The following SYT17 variants were observed in gnomAD, a reference collection of about 807,000 sequenced individuals.
The protein encoded by SYT17 is synaptotagmin 17.
Under a neutral mutation model 46.7 loss-of-function variants are expected in SYT17, and 22 were observed. The observed-to-expected ratio is 0.47, with a 90% CI of 0.34 to 0.67. The LOEUF is 0.67. Ranked by LOEUF, SYT17 falls within the 30% of genes least tolerant of loss-of-function variation. The probability of loss-of-function intolerance (pLI) is 0.01; values close to 1 mark genes in which losing one functional copy is unlikely to be tolerated. For synonymous variants in SYT17, 251 were observed against 248.4 expected (o/e 1.01, Z -0.10); for missense variants, 519 against 612.8 (o/e 0.85, Z 1.62).
Position 19,232,925 on chromosome 16 carries a change from G to A in SYT17, c.1228+8087G>A, listed in dbSNP as rs984826792. 5.9e-5 allele frequency among the ~76,000 whole-genome samples: 9 copies of A among 152,152 alleles called. No homozygotes were observed. In the South Asian group the frequency reaches 8.3e-4, roughly 14 times the overall value. On this transcript the variant is annotated intron_variant, in intron 7 of 7. Transcript: ENST00000355377. Reference sequence around the variant, plus strand: ...TTTGACTCCCTAACCCTGTCTGTACGTTAGTATTACTCAGGGACTTTAAAA... The same window carrying A: ...TTTGACTCCCTAACCCTGTCTGTACATTAGTATTACTCAGGGACTTTAAAA...
chr16:19,237,889 G>A (rs1966870391), intron 7 of SYT17, among the ~76,000 whole-genome samples: 1 of 152,250 alleles, frequency 6.6e-6, no homozygotes, highest in Admixed American at 6.5e-5. Context: ...GAGCAGGGTT[G>A]GGGGACTATG....
chr16:19,252,420 T>TATATACAC (rs1268478158), intron 7 of SYT17, among the ~76,000 whole-genome samples: 2 of 26,788 alleles, frequency 7.5e-5, no homozygotes, highest in African/African-American at 3.2e-4. Flanking sequence ...TATATACATA[T>TATATACAC]ATATATACAT....
intron 7 of SYT17, among the ~76,000 whole-genome samples, chr16:19,240,941 C>CTTTT (rs970503158): frequency 5.7e-4 from 56 of 98,760 alleles, no homozygotes; most frequent in Non-Finnish European, 7.2e-4. Flanking sequence ...AGGCTCAGTT[C>CTTTT]TTTTTTTTTT....
chr16:19,228,013 C>G (rs780810026), intron 7 of SYT17, among the ~76,000 whole-genome samples: 2 of 150,192 alleles, frequency 1.3e-5, no homozygotes, highest in Non-Finnish European at 2.9e-5. Flanking sequence ...GATACTGTTG[C>G]ATGATGTAGT....
intron 7 of SYT17, among the ~76,000 whole-genome samples, chr16:19,228,786 T>C (rs1166095490): frequency 6.6e-6 from 1 of 152,174 alleles, no homozygotes; most frequent in Non-Finnish European, 1.5e-5. Flanking sequence ...CCTGCTTTAT[T>C]TGTCCACTGA....
chr16:19,212,210 A>G (rs1452183546), intron 5 of SYT17, among the ~76,000 whole-genome samples: 1 of 152,144 alleles, frequency 6.6e-6, no homozygotes, highest in Non-Finnish European at 1.5e-5. Flanking sequence ...CGCACAGGAC[A>G]GCTCCCACAA....
chr16:19,195,982 C>T lies in SYT17; in HGVS notation c.951+11835C>T, dbSNP rs566193248. Among the ~76,000 whole-genome samples, 3 of 151,968 alleles carry T rather than the reference C, an allele frequency of 2.0e-5. No individual in the cohort carries two copies. In the South Asian group the frequency reaches 6.2e-4, roughly 32 times the overall value. On this transcript the variant is annotated intron_variant, in intron 5 of 7. Coordinates refer to ENST00000355377, the MANE Select transcript of SYT17 (RefSeq NM_016524.4). Reference sequence around the variant, plus strand: ...CCTGGGTGACAGAGCCGGACCCTGTCTCAAAAGAAAAAACCCACCAAAACC... The same window carrying T: ...CCTGGGTGACAGAGCCGGACCCTGTTTCAAAAGAAAAAACCCACCAAAACC...
chr16:19,220,303 CTTTT>C (rs1555459738), intron 5 of SYT17, among the ~76,000 whole-genome samples: 2 of 80,498 alleles, frequency 2.5e-5, no homozygotes, highest in African/African-American at 5.0e-5. Flanking sequence ...TTCTTTCTTT[CTTTT>C]TTTTTTTTTT....
intron 7 of SYT17, among the ~76,000 whole-genome samples, chr16:19,232,305 A>G (rs1320133885): frequency 6.6e-6 from 1 of 152,200 alleles, no homozygotes; most frequent in Non-Finnish European, 1.5e-5. Flanking sequence ...CTCTAAGACT[A>G]GAGAATATGG....
intron 5 of SYT17, among the ~76,000 whole-genome samples, chr16:19,188,925 C>T (rs1336333786): frequency 2.6e-5 from 4 of 152,076 alleles, no homozygotes; most frequent in East Asian, 1.9e-4. Context: ...GCTGCTCTGT[C>T]GCCCAGGCTG....
chr16:19,245,778 A>G (rs963806081), intron 7 of SYT17, among the ~76,000 whole-genome samples: 6 of 152,226 alleles, frequency 3.9e-5, no homozygotes, highest in Middle Eastern at 3.2e-3. Flanking sequence ...AGCTCAGCCC[A>G]GCTTGAGAGG....
chr16:19,260,887 A>G (rs1007703170), intron 7 of SYT17, among the ~76,000 whole-genome samples: 4 of 152,236 alleles, frequency 2.6e-5, no homozygotes, highest in African/African-American at 9.6e-5. Context: ...GGTTATTCAA[A>G]TACTGCAAAT....
Position 19,180,456 on chromosome 16 carries a change from C to G in SYT17, c.248C>G (p.Thr83Ser). 1 of 1,614,180 alleles carries G rather than the reference C, an allele frequency of 6.2e-7. No individual in the cohort carries two copies. Among genetic ancestry groups the G allele is most frequent in the Non-Finnish European group, 8.5e-7 (1 of 1,180,038 alleles). ...CACACGGCCAGCGAAGTCCCGCTGACCCCACGGACCAATTCCCCGGATGGA... is the reference window on the plus strand; with the variant it reads ...CACACGGCCAGCGAAGTCCCGCTGAGCCCACGGACCAATTCCCCGGATGGA... Reference protein sequence around the residue: ...SVHTASEVPLTPRTNSPDGRR... With the variant: ...SVHTASEVPLSPRTNSPDGRR... Residue 83 changes from threonine (T) to serine (S), a missense_variant, in exon 4 of 8, where the codon ACC (threonine) becomes AGC (serine). Thr to Ser is a moderately conservative substitution (Grantham distance 58). Transcript: ENST00000355377.
intron 5 of SYT17, among the ~76,000 whole-genome samples, chr16:19,198,505 T>C (rs2142721514): frequency 6.6e-6 from 1 of 152,350 alleles, no homozygotes; most frequent in Admixed American, 6.5e-5. Context: ...CATGGATCAA[T>C]TACTGTTCTA....
intron 5 of SYT17, among the ~76,000 whole-genome samples, chr16:19,202,126 T>A (rs891056): frequency 0.064 from 9,746 of 152,144 alleles, 396 homozygotes; most frequent in Middle Eastern, 0.15. Flanking sequence ...GGACACTAAA[T>A]GCCTGGAGTT....
chr16:19,234,982 A>C (rs963756857), intron 7 of SYT17, among the ~76,000 whole-genome samples: 6 of 152,182 alleles, frequency 3.9e-5, no homozygotes, highest in Admixed American at 1.3e-4. Context: ...ATCTGTGCCA[A>C]CTCAGATGCA....
intron 5 of SYT17, among the ~76,000 whole-genome samples, chr16:19,202,279 C>G (rs575455551): frequency 3.2e-4 from 48 of 152,214 alleles, no homozygotes; most frequent in African/African-American, 1.2e-3. Flanking sequence ...TCCTCAAGTT[C>G]AATAATTTGC....
chr16:19,208,884 C>CTTTTTTTTTTTTTTTTTTTTTTT lies in SYT17; in HGVS notation c.952-14157_952-14135dup, dbSNP rs1191498524. Among the ~76,000 whole-genome samples, 6 of 63,312 alleles carry CTTTTTTTTTTTTTTTTTTTTTTT rather than the reference C, an allele frequency of 9.5e-5. 3 individuals carry two copies. Among genetic ancestry groups the CTTTTTTTTTTTTTTTTTTTTTTT allele is most frequent in the African/African-American group, 2.8e-4 (4 of 14,200 alleles). The allele number at this position is 63,312 out of a possible 152,430, so 41.5% of individuals were successfully genotyped here. Reference sequence around the variant, plus strand: ...ATTTAATCACTTCTACAAGGACCTTCTTTTTTTTTTTTTTTTTTTTTTTTT... The same window carrying CTTTTTTTTTTTTTTTTTTTTTTT: ...ATTTAATCACTTCTACAAGGACCTTCTTTTTTTTTTTTTTTTTTTTTTTTTTTTTTTTTTTTTTTTTTTTTTTT... On this transcript the variant is annotated intron_variant, in intron 5 of 7. Coordinates refer to ENST00000355377, the MANE Select transcript of SYT17 (RefSeq NM_016524.4).
chr16:19,239,004 G>A (rs1304708076), intron 7 of SYT17, among the ~76,000 whole-genome samples: 2 of 151,216 alleles, frequency 1.3e-5, no homozygotes, highest in Non-Finnish European at 3.0e-5. Context: ...CTGGCCAGGT[G>A]CCATGGCTTA....
Sources: gnomAD v4.1 joint callset for allele counts (sites outside exome capture counted in the v4.1 genomes callset) on GRCh38, gnomAD v4.1.1 for gene constraint, MANE v1.5 for transcripts, NCBI Gene and HGNC (gene_info 2026-07-23, HGNC 2026-07-21) for gene names.